The following TCF4 variants were observed in gnomAD, a reference collection of about 807,000 sequenced individuals.
The protein encoded by TCF4 is SL3-3 enhancer factor 2.
In TCF4, 3 loss-of-function variants were observed where a neutral mutation model predicts 82.1. The ratio of observed to expected loss-of-function variants is 0.04; its 90% CI spans 0.02 to 0.09. The LOEUF is 0.09. TCF4 is among the 10% of genes least tolerant of loss of function. TCF4 has a pLI of 1.00. For missense variants in TCF4, 518 were observed against 852.7 expected (o/e 0.61, Z 4.89); for synonymous variants, 276 against 309.6 (o/e 0.89, Z 1.14).
At chr18:55,394,210 T>C (rs982927244) in intron 6 of TCF4, among the ~76,000 whole-genome samples, 1 of 152,220 alleles carries the variant, frequency 6.6e-6, no homozygotes. Flanking sequence ...TTCATTATCA[T>C]GGTACAAATG....
chr18:55,520,932 G>A (rs747407339), intron 3 of TCF4, among the ~76,000 whole-genome samples: 1 of 151,960 alleles, frequency 6.6e-6, no homozygotes, highest in Non-Finnish European at 1.5e-5. Context: ...CCTATTCGTC[G>A]CAATTCAGAG....
At chr18:55,311,864 T>C (rs1297532454) in intron 8 of TCF4, among the ~76,000 whole-genome samples, 1 of 152,190 alleles carries the variant, frequency 6.6e-6, no homozygotes, top group Non-Finnish European at 1.5e-5. Flanking sequence ...GTTTGAGTAA[T>C]AAATAATTGG....
At chr18:55,441,999 T>G (rs2095445832) in intron 5 of TCF4, among the ~76,000 whole-genome samples, 1 of 152,208 alleles carries the variant, frequency 6.6e-6, no homozygotes, top group African/African-American at 2.4e-5. Flanking sequence ...TTAAGCACAT[T>G]TCACTGGATT....
chr18:55,535,823 A>G (rs2097109688), intron 3 of TCF4, among the ~76,000 whole-genome samples: 1 of 152,230 alleles, frequency 6.6e-6, no homozygotes, highest in Non-Finnish European at 1.5e-5. Context: ...AATCAGAAGT[A>G]AAATAGCTGT....
At chr18:55,455,850 AG>A (rs2095741161) in intron 5 of TCF4, among the ~76,000 whole-genome samples, 2 of 152,200 alleles carry the variant, frequency 1.3e-5, no homozygotes, top group Non-Finnish European at 2.9e-5. Context: ...GTTTCTTTGT[AG>A]TCATGCTTTT....
At chr18:55,467,662 G>A (rs1365638837) in intron 3 of TCF4, among the ~76,000 whole-genome samples, 1 of 152,150 alleles carries the variant, frequency 6.6e-6, no homozygotes, top group Non-Finnish European at 1.5e-5. Context: ...CATCCAAGAA[G>A]TTCTTGTCCA....
At chr18:55,585,622 C>G in intron 2 of TCF4, 1 of 560,242 alleles carries the variant, frequency 1.8e-6, no homozygotes, top group Non-Finnish European at 2.8e-6. Flanking sequence ...ACACAGTCCC[C>G]ATAATGTTAT....
At chr18:55,238,247 A>G (rs2050135573) in intron 15 of TCF4, among the ~76,000 whole-genome samples, 1 of 152,246 alleles carries the variant, frequency 6.6e-6, no homozygotes, top group African/African-American at 2.4e-5. Context: ...CAGCTTATGA[A>G]AATTTTATTA....
At chr18:55,430,528 A>AC (rs2147140324) in intron 5 of TCF4, among the ~76,000 whole-genome samples, 1 of 152,310 alleles carries the variant, frequency 6.6e-6, no homozygotes, top group South Asian at 2.1e-4. Flanking sequence ...TACATGGGTG[A>AC]CCCAAGATCA....
chr18:55,483,097 G>A (rs895017947), intron 3 of TCF4, among the ~76,000 whole-genome samples: 1 of 152,162 alleles, frequency 6.6e-6, no homozygotes, highest in Non-Finnish European at 1.5e-5. Flanking sequence ...TACCCAGCAC[G>A]GGGTAGGGGC....
intron 8 of TCF4, among the ~76,000 whole-genome samples, chr18:55,301,047 C>G (rs534161536): frequency 1.1e-4 from 16 of 152,122 alleles, no homozygotes; most frequent in African/African-American, 2.9e-4. Flanking sequence ...GGAGAAAGCT[C>G]GTTACCGCTA....
chr18:55,588,487 C>T (rs748235835), upstream of TCF4: 4 of 1,535,140 alleles, frequency 2.6e-6, no homozygotes, highest in South Asian at 2.4e-5. Flanking sequence ...TTCCTCAGAT[C>T]GTCAGTTACA....
At chr18:55,560,789 TG>T (rs899008030) in intron 3 of TCF4, among the ~76,000 whole-genome samples, 23 of 152,192 alleles carry the variant, frequency 1.5e-4, no homozygotes, top group Admixed American at 6.5e-4. Context: ...TGTGTCTATC[TG>T]TGAACTCCTT....
At chr18:55,256,365 G>A (rs1600367248) in intron 14 of TCF4, among the ~76,000 whole-genome samples, 1 of 152,244 alleles carries the variant, frequency 6.6e-6, no homozygotes, top group East Asian at 1.9e-4. Context: ...CTAATTATGT[G>A]GATGTGGTCC....
intron 5 of TCF4, among the ~76,000 whole-genome samples, chr18:55,433,854 T>C (rs183349773): frequency 2.1e-4 from 32 of 152,260 alleles, no homozygotes; most frequent in African/African-American, 6.3e-4. Context: ...TCCCTGCTTG[T>C]GTCCCTTATG....
At chr18:55,470,360 A>C (rs2096147260) in intron 3 of TCF4, among the ~76,000 whole-genome samples, 1 of 152,186 alleles carries the variant, frequency 6.6e-6, no homozygotes, top group African/African-American at 2.4e-5. Flanking sequence ...TGGATCTTAG[A>C]AACACCCAAA....
At chr18:55,295,256 T>C (rs2066184757) in intron 8 of TCF4, among the ~76,000 whole-genome samples, 1 of 152,188 alleles carries the variant, frequency 6.6e-6, no homozygotes, top group Non-Finnish European at 1.5e-5. Context: ...TTCTGAAATC[T>C]CCCAGGCTGC....
chr18:55,415,967 A>G (rs1195367521), intron 5 of TCF4, among the ~76,000 whole-genome samples: 1 of 152,242 alleles, frequency 6.6e-6, no homozygotes, highest in African/African-American at 2.4e-5. Flanking sequence ...TCAAATATGT[A>G]GCATTTAAAG....
intron 8 of TCF4, among the ~76,000 whole-genome samples, chr18:55,344,586 C>A (rs1484180805): frequency 1.3e-5 from 2 of 152,272 alleles, no homozygotes; most frequent in Middle Eastern, 3.4e-3. Context: ...TCCAGTTTTA[C>A]ACTAAATGCT....
Sources: allele counts gnomAD v4.1 joint callset (sites outside exome capture counted in the v4.1 genomes callset), GRCh38; gene constraint gnomAD v4.1.1; transcripts MANE v1.5; gene names NCBI Gene and HGNC (gene_info 2026-07-23, HGNC 2026-07-21).